Variants in NRXN3 observed in about 807,000 individuals in gnomAD.
NRXN3 encodes neurexin III.
NRXN3 carries 32 observed loss-of-function variants against 137.6 expected under a neutral mutation model. The observed-to-expected ratio is 0.23, with a 90% CI of 0.18 to 0.31. The LOEUF (loss-of-function observed/expected upper bound fraction) is 0.31. Among genes scored for constraint, NRXN3 ranks in the 10% least tolerant of loss-of-function variants. The pLI is 1.00. For missense variants in NRXN3, 1,574 were observed against 2,062.5 expected, an observed-to-expected ratio of 0.76 and a Z score of 4.59; for synonymous variants, 798 against 784.5, an observed-to-expected ratio of 1.02 and a Z score of -0.29.
intron 4 of NRXN3, among the ~76,000 whole-genome samples, chr14:78,489,969 C>T (rs922022735): frequency 2.0e-5 from 3 of 151,088 alleles, no homozygotes; most frequent in African/African-American, 4.9e-5. Flanking sequence ...GGCTGGAGTG[C>T]AGTGGCACGA....
chr14:79,003,728 C>T (rs563029563), intron 15 of NRXN3, among the ~76,000 whole-genome samples: 1 of 152,144 alleles, frequency 6.6e-6, no homozygotes, highest in Admixed American at 6.5e-5. Flanking sequence ...TTTGACTGAA[C>T]AAGAAGCCAC....
At chr14:79,812,918 A>C (rs1333059121) in intron 20 of NRXN3, among the ~76,000 whole-genome samples, 1 of 152,176 alleles carries the variant, frequency 6.6e-6, no homozygotes, top group Non-Finnish European at 1.5e-5. Flanking sequence ...TTGGGTTTTA[A>C]AAGAGAAGTT....
At chr14:78,924,256 A>C (rs2099278868) in intron 10 of NRXN3, among the ~76,000 whole-genome samples, 1 of 152,174 alleles carries the variant, frequency 6.6e-6, no homozygotes, top group Non-Finnish European at 1.5e-5. Context: ...AACAAACAAA[A>C]AAACTTTAAT....
intron 15 of NRXN3, among the ~76,000 whole-genome samples, chr14:79,237,398 T>A (rs1167029055): frequency 6.6e-6 from 1 of 152,014 alleles, no homozygotes; most frequent in Non-Finnish European, 1.5e-5. Flanking sequence ...CTATAAAAAT[T>A]CAACACAACC....
rs1172934131 is a variant in NRXN3, at chr14:79,647,468, C to T, written c.3445-16310C>T. Among the ~76,000 whole-genome samples, 2 of 135,598 alleles carry T rather than the reference C, an allele frequency of 1.5e-5. 1 individual carries two copies. Among genetic ancestry groups the T allele is most frequent in the Non-Finnish European group, 3.4e-5 (2 of 58,248 alleles). The allele number at this position is 135,598 out of a possible 152,430, so 89.0% of individuals were successfully genotyped here. On this transcript the variant is annotated intron_variant, in intron 16 of 20. Coordinates refer to ENST00000335750, the MANE Select transcript of NRXN3 (RefSeq NM_001330195.2). ...TTATCTTTTCCGGCATTGATTAATC[C>T]TACTGTTTATTGGCTAAGTGTACAT...
At chr14:78,420,054 G>T (rs1246925560) in intron 4 of NRXN3, among the ~76,000 whole-genome samples, 1 of 151,932 alleles carries the variant, frequency 6.6e-6, no homozygotes, top group African/African-American at 2.4e-5. Context: ...CCTCTTGTAT[G>T]CACAGCACTC....
intron 15 of NRXN3, among the ~76,000 whole-genome samples, chr14:79,098,654 GA>G: frequency 6.6e-6 from 1 of 152,240 alleles, no homozygotes. Context: ...CAAAACTATA[GA>G]GTTTTAGAAC....
intron 4 of NRXN3, among the ~76,000 whole-genome samples, chr14:78,541,238 C>T (rs796828770): frequency 2.6e-5 from 4 of 152,216 alleles, no homozygotes; most frequent in African/African-American, 9.6e-5. Context: ...CTCCCCATCA[C>T]TTTCAGGGAA....
intron 15 of NRXN3, among the ~76,000 whole-genome samples, chr14:79,465,855 T>A (rs1459314282): frequency 6.6e-6 from 1 of 152,238 alleles, no homozygotes; most frequent in Non-Finnish European, 1.5e-5. Context: ...AAGTATTCGC[T>A]ATGGGTAACA....
intron 10 of NRXN3, among the ~76,000 whole-genome samples, chr14:78,931,154 C>G (rs1191982307): frequency 6.6e-6 from 1 of 151,878 alleles, no homozygotes; most frequent in Admixed American, 6.6e-5. Context: ...TCCTAAATAT[C>G]CTTCACTAGA....
chr14:78,244,284 G>C (rs1402082198), intron 2 of NRXN3, among the ~76,000 whole-genome samples: 1 of 152,112 alleles, frequency 6.6e-6, no homozygotes, highest in Non-Finnish European at 1.5e-5. Context: ...ACAAAAATTA[G>C]CTGGGCATGG....
At chr14:78,206,210 C>G (rs1396307775) in intron 1 of NRXN3, among the ~76,000 whole-genome samples, 1 of 152,204 alleles carries the variant, frequency 6.6e-6, no homozygotes, top group African/African-American at 2.4e-5. Context: ...AGGAGTTTCT[C>G]TATGTACAAT....
chr14:79,732,134 G>T (rs1377756530), intron 19 of NRXN3, among the ~76,000 whole-genome samples: 4 of 151,890 alleles, frequency 2.6e-5, no homozygotes, highest in Non-Finnish European at 5.9e-5. Context: ...TGGTAAACTG[G>T]ATTTTTTTTT....
rs1659729358 is a variant in NRXN3 at position 79,740,603 on chromosome 14, C to G, written c.4014+42666C>G. On this transcript the variant is annotated intron_variant, in intron 19 of 20. Transcript: ENST00000335750. Reference sequence around the variant, plus strand: ...TTCTCCACCCTGACAATAGATACATCTATTGTCCATCAGCCCAATTTACAA... The same window carrying G: ...TTCTCCACCCTGACAATAGATACATGTATTGTCCATCAGCCCAATTTACAA... Among the ~76,000 whole-genome samples the G allele has an allele frequency of 2.0e-5, 3 of 150,438 alleles. No individual in the cohort carries two copies. The South Asian group carries it at 6.3e-4, about 32-fold the overall frequency.
At chr14:79,648,877 CTG>C (rs776043396) in intron 16 of NRXN3, among the ~76,000 whole-genome samples, 4 of 152,156 alleles carry the variant, frequency 2.6e-5, no homozygotes, top group Non-Finnish European at 5.9e-5. Flanking sequence ...AAGCATCATG[CTG>C]TCTGTTAAAG....
intron 16 of NRXN3, among the ~76,000 whole-genome samples, chr14:79,633,947 C>T (rs2098382107): frequency 6.6e-6 from 1 of 152,086 alleles, no homozygotes; most frequent in Non-Finnish European, 1.5e-5. Flanking sequence ...GCACCTTCAA[C>T]TCTATCCAGT....
At chr14:78,390,402 C>T (rs2090595668) in intron 4 of NRXN3, among the ~76,000 whole-genome samples, 1 of 152,176 alleles carries the variant, frequency 6.6e-6, no homozygotes, top group Admixed American at 6.5e-5. Flanking sequence ...GCCTCCTGAT[C>T]TAGAAGATTT....
chr14:79,273,237 G>T (rs1324820195), intron 15 of NRXN3, among the ~76,000 whole-genome samples: 1 of 149,740 alleles, frequency 6.7e-6, no homozygotes, highest in Non-Finnish European at 1.5e-5. Context: ...CTGCCCTGGA[G>T]ATTTGTATAA....
At chr14:79,557,599 T>A (rs1254284626) in intron 16 of NRXN3, among the ~76,000 whole-genome samples, 2 of 152,170 alleles carry the variant, frequency 1.3e-5, no homozygotes, top group Admixed American at 1.3e-4. Flanking sequence ...AAATGTGCAA[T>A]AGCATTATAT....
Sources: gnomAD v4.1 joint callset for allele counts (sites outside exome capture counted in the v4.1 genomes callset) on GRCh38, gnomAD v4.1.1 for gene constraint, MANE v1.5 for transcripts, NCBI Gene and HGNC (gene_info 2026-07-23, HGNC 2026-07-21) for gene names.